Variants in HECA observed in about 807,000 individuals in gnomAD.
The protein encoded by HECA is headcase protein homolog.
In HECA, 13 loss-of-function variants were observed where a neutral mutation model predicts 37.6. That is an observed-to-expected ratio of 0.35 (90% CI 0.23 to 0.55). HECA has a LOEUF of 0.55. HECA is among the 20% of genes least tolerant of loss of function. HECA has a pLI of 0.90. For synonymous variants in HECA, 307 were observed against 291.5 expected (o/e 1.05, Z -0.54); for missense variants, 527 against 701.9 (o/e 0.75, Z 2.82).
At chr6:139,157,405 G>A (rs1424645364) in intron 1 of HECA, among the ~76,000 whole-genome samples, 3 of 152,174 alleles carry the variant, frequency 2.0e-5, no homozygotes, top group African/African-American at 7.2e-5. Flanking sequence ...TCCTATTTAA[G>A]ATAGAGTTGC....
chr6:139,151,906 A>T (rs564221397), intron 1 of HECA, among the ~76,000 whole-genome samples: 1 of 152,308 alleles, frequency 6.6e-6, no homozygotes, highest in East Asian at 1.9e-4. Context: ...TGTGTGCAGT[A>T]TGGGTGGAAA....
chr6:139,169,447 G>A (rs1488540065), intron 2 of HECA: 1 of 152,082 alleles, frequency 6.6e-6, no homozygotes. Flanking sequence ...TTTCATGTAT[G>A]TAATTTCTTG....
At chr6:139,138,204 T>G (rs1215004556) in intron 1 of HECA, among the ~76,000 whole-genome samples, 1 of 152,190 alleles carries the variant, frequency 6.6e-6, no homozygotes, top group Non-Finnish European at 1.5e-5. Context: ...GAGGCGTTAC[T>G]GGTGAATTTT....
chr6:139,166,997 T>C lies in HECA; in HGVS notation c.985T>C (p.Leu329=). The C allele has an allele frequency of 2.5e-6, 4 of 1,614,082 alleles. No homozygotes were observed. Among genetic ancestry groups the C allele is most frequent in the East Asian group, 2.2e-5 (1 of 44,874 alleles). The change falls in exon 2 of 4, where the codon TTG becomes CTG. Residue 329 remains leucine, a synonymous_variant. Coordinates refer to ENST00000367658, the MANE Select transcript of HECA (RefSeq NM_016217.3). The part of the protein sequence containing the change: ...NAHFDYSPAG[L]AVHRGGHFDT... The stretch of plus-strand genomic sequence containing the variant: ...CCACTTTGATTACAGCCCTGCGGGG[T>C]TGGCAGTTCACAGGGGGGGACACTT...
At position 139,151,689 on chromosome 6, in the gene HECA, G is replaced by T. The variant is rs144352928; in HGVS notation, c.272-14595G>T. Among the ~76,000 whole-genome samples, 32 of 152,254 alleles carry T rather than the reference G, an allele frequency of 2.1e-4. 1 individual carries two copies. The East Asian group carries it at 5.8e-3, about 28-fold the overall frequency. ...TGAGTTTAAGTACTTTTTTAACGTG[G>T]TCACTTAGGTTGGTGCAAAAGTAAT... On this transcript the variant is annotated intron_variant, in intron 1 of 3. Transcript: ENST00000367658.
chr6:139,145,360 A>G (rs1774570634), intron 1 of HECA, among the ~76,000 whole-genome samples: 1 of 151,022 alleles, frequency 6.6e-6, no homozygotes. Context: ...TACTTTTGCT[A>G]AATTGTACAG....
intron 1 of HECA, among the ~76,000 whole-genome samples, chr6:139,154,752 A>C (rs1236403564): frequency 6.6e-6 from 1 of 152,270 alleles, no homozygotes; most frequent in Non-Finnish European, 1.5e-5. Context: ...AAGCAGGTCC[A>C]GCATTTACAC....
At position 139,165,584 on chromosome 6, in the gene HECA, C is replaced by CTTT. The variant is rs796323871; in HGVS notation, c.272-685_272-683dup. Among the ~76,000 whole-genome samples, 3 of 138,248 alleles carry CTTT rather than the reference C, an allele frequency of 2.2e-5. No homozygotes were observed. The Admixed American group carries it at 2.2e-4, about 10-fold the overall frequency. 90.7% of individuals were successfully genotyped at this position (138,248 alleles called of 152,430 possible). On this transcript the variant is annotated intron_variant, in intron 1 of 3. Transcript: ENST00000367658. ...CATCCCCCACCCCCTGTGGCAACCA[C>CTTT]TTTTTTTTTTTTTTTTTACTGACTC...
At position 139,164,637 on chromosome 6, in the gene HECA, A is replaced by G. The variant is rs960645554; in HGVS notation, c.272-1647A>G. Among the ~76,000 whole-genome samples, 28 of 152,294 alleles carry G rather than the reference A, an allele frequency of 1.8e-4. 1 individual carries two copies. Among genetic ancestry groups the G allele is most frequent in the African/African-American group, 6.7e-4 (28 of 41,548 alleles). ...GAGGCAAAAGAACTGCATGGTATAA[A>G]ATCCTACGGAAATGCAAGCAAGAAT... On this transcript the variant is annotated intron_variant, in intron 1 of 3. Coordinates refer to ENST00000367658, the MANE Select transcript of HECA (RefSeq NM_016217.3).
chr6:139,135,524 C>T lies in HECA; in HGVS notation c.128C>T (p.Ala43Val), dbSNP rs1326886439. The change falls in exon 1 of 4, where the codon GCC becomes GTC. Residue 43 changes from alanine to valine, a missense_variant. By Grantham distance (64) the Ala-to-Val change is moderately conservative. Coordinates refer to ENST00000367658, the MANE Select transcript of HECA (RefSeq NM_016217.3). ...GCGGCGGGAGCGGCGGCCGGGGGGGCCCTGGCGGCGGCGGCCGGTTGCGGG... is the reference window on the plus strand; with the variant it reads ...GCGGCGGGAGCGGCGGCCGGGGGGGTCCTGGCGGCGGCGGCCGGTTGCGGG... ...AGAAGAAAGG[A>V]LAAAAGCGAA... 1.0e-6 allele frequency: 1 copy of T among 999,262 alleles called. No individual in the cohort carries two copies. The highest frequency in any genetic ancestry group is 1.2e-6 in the Non-Finnish European group (1 of 839,876). 61.9% of individuals were successfully genotyped at this position (999,262 alleles called of 1,614,324 possible).
chr6:139,165,232 G>T (rs1582945315), intron 1 of HECA, among the ~76,000 whole-genome samples: 1 of 152,094 alleles, frequency 6.6e-6, no homozygotes, highest in East Asian at 1.9e-4. Context: ...ATACATACAT[G>T]TCCTTTTATT....
intron 3 of HECA, among the ~76,000 whole-genome samples, chr6:139,175,925 C>T (rs10214594): frequency 1.2e-4 from 18 of 152,088 alleles, no homozygotes; most frequent in Admixed American, 2.6e-4. Flanking sequence ...AAAATATGTT[C>T]GATTATTGTT....
chr6:139,173,817 C>T (rs1316028609), intron 2 of HECA, among the ~76,000 whole-genome samples: 1 of 152,108 alleles, frequency 6.6e-6, no homozygotes, highest in African/African-American at 2.4e-5. Flanking sequence ...TAAAAAATTA[C>T]GAGTAAGATA....
At chr6:139,147,954 CTG>C (rs1480773406) in intron 1 of HECA, among the ~76,000 whole-genome samples, 37 of 152,286 alleles carry the variant, frequency 2.4e-4, no homozygotes, top group African/African-American at 8.9e-4. Flanking sequence ...CCTTCGCACT[CTG>C]TAATGTAAAT....
intron 1 of HECA, among the ~76,000 whole-genome samples, chr6:139,140,654 G>GAAAATC: frequency 6.6e-6 from 1 of 152,176 alleles, no homozygotes; most frequent in East Asian, 1.9e-4. Flanking sequence ...GATAAAACGG[G>GAAAATC]AAAATCTCTT....
At chr6:139,174,328 G>T in intron 2 of HECA, 57 bp from the exon 3 acceptor site, 3 of 1,540,812 alleles carry the variant, frequency 1.9e-6, no homozygotes, top group Non-Finnish European at 1.8e-6. Context: ...TATCTCCTTG[G>T]AGATGAAATG....
chr6:139,135,546 C>T lies in HECA; in HGVS notation c.150C>T (p.Cys50=), dbSNP rs1054725429. The part of the protein sequence containing the change: ...AGGALAAAAG[C]GAAAAGAPGA... The stretch of plus-strand genomic sequence containing the variant: ...GGGCCCTGGCGGCGGCGGCCGGTTG[C>T]GGGGCGGCGGCGGCGGGCGCGCCGG... The change falls in exon 1 of 4, where the codon TGC becomes TGT. Residue 50 remains cysteine, a synonymous_variant. Transcript: ENST00000367658. 1 of 974,590 alleles carries T rather than the reference C, an allele frequency of 1.0e-6. No individual in the cohort carries two copies. Among genetic ancestry groups the T allele is most frequent in the Non-Finnish European group, 1.2e-6 (1 of 825,442 alleles). The allele number at this position is 974,590 out of a possible 1,614,324, so 60.4% of individuals were successfully genotyped here.
At chr6:139,146,995 G>C (rs1216211055) in intron 1 of HECA, among the ~76,000 whole-genome samples, 1 of 152,194 alleles carries the variant, frequency 6.6e-6, no homozygotes, top group Non-Finnish European at 1.5e-5. Context: ...CATTCCTAGT[G>C]ACAGGAAAAG....
chr6:139,137,825 T>C (rs1037127794), intron 1 of HECA, among the ~76,000 whole-genome samples: 3 of 152,070 alleles, frequency 2.0e-5, no homozygotes, highest in Non-Finnish European at 4.4e-5. Context: ...CAGACTCAAG[T>C]ATATTTAGCA....
Sources: allele counts gnomAD v4.1 joint callset (sites outside exome capture counted in the v4.1 genomes callset), GRCh38; gene constraint gnomAD v4.1.1; transcripts MANE v1.5; gene names NCBI Gene and HGNC (gene_info 2026-07-23, HGNC 2026-07-21).